Variants in SNX29 observed in about 807,000 individuals in gnomAD.
SNX29 encodes sorting nexin 29.
In SNX29, 78 loss-of-function variants were observed where a neutral mutation model predicts 102.1. The ratio of observed to expected loss-of-function variants is 0.76; its 90% confidence interval spans 0.64 to 0.92. SNX29 has a LOEUF of 0.92. SNX29 is among the 40% of genes least tolerant of loss of function. The pLI is 0.00. For synonymous variants in SNX29, 580 were observed against 414.5 expected, an observed-to-expected ratio of 1.40 and a Z score of -4.85; for missense variants, 1,280 against 1,061.7, an observed-to-expected ratio of 1.21 and a Z score of -2.86.
intron 20 of SNX29, among the ~76,000 whole-genome samples, chr16:12,551,120 G>C (rs370007766): frequency 3.9e-5 from 6 of 152,090 alleles, no homozygotes; most frequent in Non-Finnish European, 8.8e-5. Flanking sequence ...GTGAAATAAT[G>C]GAACAGTGGT....
intron 15 of SNX29, among the ~76,000 whole-genome samples, chr16:12,289,015 A>G (rs1290806895): frequency 1.3e-5 from 2 of 152,240 alleles, no homozygotes; most frequent in Non-Finnish European, 2.9e-5. Context: ...AAGTGGAGCC[A>G]GGAAAATGAA....
In SNX29 at chr16:12,572,447, G is replaced by A. The variant is rs573515230; in HGVS notation, c.*3818G>A. ...GGCAGTGGCTGCCTCTCTTGGTTCT[G>A]CATGGTACATTTTGCCAACCCTGAG... On this transcript the variant is annotated 3_prime_UTR_variant, in exon 21 of 21. Transcript: ENST00000566228. 20 of 1,062,914 alleles carry A rather than the reference G, an allele frequency of 1.9e-5. No individual in the cohort carries two copies. The South Asian group carries it at 5.9e-4, about 31-fold the overall frequency. The allele number at this position is 1,062,914 out of a possible 1,614,324, so 65.8% of individuals were successfully genotyped here.
intron 15 of SNX29, among the ~76,000 whole-genome samples, chr16:12,325,834 C>G (rs1434647694): frequency 6.6e-6 from 1 of 151,996 alleles, no homozygotes; most frequent in Non-Finnish European, 1.5e-5. Context: ...CAAGACCAGC[C>G]TGGACAACAC....
intron 10 of SNX29, among the ~76,000 whole-genome samples, chr16:12,070,879 A>G (rs536277675): frequency 6.6e-6 from 1 of 152,276 alleles, no homozygotes; most frequent in Admixed American, 6.5e-5. Flanking sequence ...CTGGTGTGAG[A>G]TGGTATCTCA....
chr16:12,385,982 G>A (rs1209636131), intron 16 of SNX29, among the ~76,000 whole-genome samples: 2 of 152,226 alleles, frequency 1.3e-5, no homozygotes, highest in Non-Finnish European at 1.5e-5. Context: ...CGATGTCTGC[G>A]AACCCAGCTC....
intron 14 of SNX29, among the ~76,000 whole-genome samples, chr16:12,261,626 G>A (rs1280772863): frequency 7.3e-6 from 1 of 136,152 alleles, no homozygotes; most frequent in African/African-American, 2.8e-5. Flanking sequence ...CTGTGCATGC[G>A]TCCCCGGCTG....
intron 16 of SNX29, among the ~76,000 whole-genome samples, chr16:12,394,595 G>A (rs1273225192): frequency 6.6e-6 from 1 of 152,182 alleles, no homozygotes; most frequent in Non-Finnish European, 1.5e-5. Flanking sequence ...GGGCTTGACT[G>A]AGCTGGACAT....
chr16:12,195,920 C>T (rs555742427), intron 13 of SNX29, among the ~76,000 whole-genome samples: 51 of 150,826 alleles, frequency 3.4e-4, no homozygotes, highest in African/African-American at 1.1e-3. Flanking sequence ...AACTGTGGCT[C>T]TGCCTTTGCT....
At chr16:12,292,304 C>G (rs1193129820) in intron 15 of SNX29, among the ~76,000 whole-genome samples, 1 of 152,156 alleles carries the variant, frequency 6.6e-6, no homozygotes, top group African/African-American at 2.4e-5. Context: ...TTTGTCATTC[C>G]TACTAGAGAG....
intron 18 of SNX29, among the ~76,000 whole-genome samples, chr16:12,448,025 G>A (rs2151702193): frequency 6.6e-6 from 1 of 152,302 alleles, no homozygotes; most frequent in South Asian, 2.1e-4. Flanking sequence ...GATGATGGTG[G>A]CGTTCCCGGG....
chr16:12,336,502 A>G (rs1391937724), intron 15 of SNX29, among the ~76,000 whole-genome samples: 1 of 152,202 alleles, frequency 6.6e-6, no homozygotes, highest in African/African-American at 2.4e-5. Context: ...TTTTCCCCTC[A>G]GAGAAAAGAT....
rs145928365 is a variant in SNX29 at position 12,188,125 on chromosome 16, C to T, written c.1596-11476C>T. Among the ~76,000 whole-genome samples, 159 of 152,232 alleles carry T rather than the reference C, an allele frequency of 1.0e-3. 1 individual carries two copies. The highest frequency in any genetic ancestry group is 1.7e-3 in the Non-Finnish European group (115 of 67,996). On this transcript the variant is annotated intron_variant, in intron 13 of 20. Transcript: ENST00000566228. ...GATTTGGAATATGATGACACTGGAG[C>T]CCTGGTTTGCAATTTATGAGTAATA...
chr16:12,540,324 G>C (rs1421148174), intron 20 of SNX29, among the ~76,000 whole-genome samples: 5 of 152,134 alleles, frequency 3.3e-5, no homozygotes, highest in African/African-American at 1.2e-4. Context: ...TGGGACCACA[G>C]CTCTTATGAT....
At chr16:12,454,013 T>C (rs1161057609) in intron 18 of SNX29, among the ~76,000 whole-genome samples, 2 of 152,168 alleles carry the variant, frequency 1.3e-5, no homozygotes, top group African/African-American at 2.4e-5. Context: ...TATGCCCACA[T>C]AGAAAATAGT....
At chr16:12,549,789 A>G (rs1035981452) in intron 20 of SNX29, among the ~76,000 whole-genome samples, 1 of 152,242 alleles carries the variant, frequency 6.6e-6, no homozygotes, top group African/African-American at 2.4e-5. Flanking sequence ...CTACTTGCAG[A>G]CAAGGCCCAT....
chr16:12,524,366 A>C (rs1000464709), intron 19 of SNX29, among the ~76,000 whole-genome samples: 3 of 151,846 alleles, frequency 2.0e-5, no homozygotes, highest in Non-Finnish European at 4.4e-5. Flanking sequence ...AACTCCACGA[A>C]GGCCACAGCA....
intron 13 of SNX29, among the ~76,000 whole-genome samples, chr16:12,139,936 G>T (rs1597023361): frequency 8.1e-6 from 1 of 122,788 alleles, no homozygotes; most frequent in East Asian, 2.9e-4. Context: ...AGCTGAGATT[G>T]TACCACTGTA....
chr16:12,353,881 A>G (rs2082060124), intron 15 of SNX29, among the ~76,000 whole-genome samples: 1 of 152,222 alleles, frequency 6.6e-6, no homozygotes, highest in Non-Finnish European at 1.5e-5. Flanking sequence ...CTTTGGGAAG[A>G]TCATTGTGCC....
At chr16:12,289,559 G>T (rs1272816333) in intron 15 of SNX29, among the ~76,000 whole-genome samples, 1 of 152,142 alleles carries the variant, frequency 6.6e-6, no homozygotes, top group South Asian at 2.1e-4. Flanking sequence ...CATGTGTTCT[G>T]TTTCGCTTCC....
Sources: allele counts gnomAD v4.1 joint callset (sites outside exome capture counted in the v4.1 genomes callset), GRCh38; gene constraint gnomAD v4.1.1; transcripts MANE v1.5; gene names NCBI Gene and HGNC (gene_info 2026-07-23, HGNC 2026-07-21).